Variants in NAV3 observed in about 807,000 individuals in gnomAD.
NAV3 encodes neuron navigator 3.
A neutral mutation model predicts 244.7 loss-of-function variants in NAV3; 87 were observed. That is an observed-to-expected ratio of 0.36 (90% CI 0.30 to 0.42). NAV3 has a LOEUF of 0.42. Among genes scored for constraint, NAV3 ranks in the 20% least tolerant of loss-of-function variants. The probability of loss-of-function intolerance (pLI) is 1.00; values close to 1 mark genes in which losing one functional copy is unlikely to be tolerated. For synonymous variants in NAV3, 1,126 were observed against 1,042.2 expected (o/e 1.08, Z -1.55); for missense variants, 2,663 against 2,893.3 (o/e 0.92, Z 1.83).
At chr12:77,905,738 C>G (rs957513621) in intron 1 of NAV3, among the ~76,000 whole-genome samples, 5 of 152,116 alleles carry the variant, frequency 3.3e-5, no homozygotes, top group African/African-American at 1.2e-4. Flanking sequence ...TAGTAATTAT[C>G]TTATTGTTTA....
chr12:77,617,625 G>A (rs956057620), intron 2 of NAV3, among the ~76,000 whole-genome samples: 9 of 152,288 alleles, frequency 5.9e-5, no homozygotes, highest in Admixed American at 5.2e-4. Context: ...GAGACAGGAG[G>A]GATCCTCCAA....
At chr12:77,685,882 G>C (rs1184842773) in intron 2 of NAV3, among the ~76,000 whole-genome samples, 3 of 152,174 alleles carry the variant, frequency 2.0e-5, no homozygotes, top group African/African-American at 7.2e-5. Context: ...TTGCCATTTA[G>C]AGTGTTTAGA....
At chr12:77,701,617 A>G (rs1458785067) in intron 2 of NAV3, among the ~76,000 whole-genome samples, 2 of 151,902 alleles carry the variant, frequency 1.3e-5, no homozygotes, top group Admixed American at 6.6e-5. Flanking sequence ...TAAGCATTTG[A>G]ATGTATAAAT....
At chr12:77,755,199 C>T (rs1869072428) in intron 2 of NAV3, among the ~76,000 whole-genome samples, 1 of 151,958 alleles carries the variant, frequency 6.6e-6, no homozygotes, top group African/African-American at 2.4e-5. Context: ...TTTTTTTAAT[C>T]TCAACAAAGA....
chr12:77,881,816 C>A (rs1487686774), intron 1 of NAV3, among the ~76,000 whole-genome samples: 3 of 152,016 alleles, frequency 2.0e-5, no homozygotes, highest in East Asian at 3.9e-4. Context: ...GCACACAATG[C>A]CACTTACAAT....
intron 25 of NAV3, 122 bp downstream of exon 25, chr12:78,175,549 C>T (rs1402744207): frequency 3.8e-5 from 48 of 1,262,804 alleles, no homozygotes; most frequent in Non-Finnish European, 4.7e-5. Flanking sequence ...CTACTGAGAC[C>T]TCAAATGCTG....
At chr12:77,890,484 A>C (rs924064321) in intron 1 of NAV3, among the ~76,000 whole-genome samples, 1 of 152,080 alleles carries the variant, frequency 6.6e-6, no homozygotes, top group Non-Finnish European at 1.5e-5. Flanking sequence ...CATTTCTTTA[A>C]TTGTAAATGA....
chr12:78,051,140 A>C lies in NAV3; in HGVS notation c.2509A>C (p.Asn837His), dbSNP rs2137264670. 1 of 1,602,984 alleles carries C rather than the reference A, an allele frequency of 6.2e-7. No homozygotes were observed. Among genetic ancestry groups the C allele is most frequent in the Non-Finnish European group, 8.5e-7 (1 of 1,171,168 alleles). The change falls in exon 11 of 40, where the codon AAC (asparagine) becomes CAC (histidine). Residue 837 changes from asparagine (N) to histidine (H), a missense_variant. Physicochemically the swap from Asn to His is moderately conservative, Grantham distance 68. Around this residue, in one of 6 missense-constraint regions of NAV3, gnomAD observed 1,521 missense variants for 1,497.0 expected, o/e 1.02. Transcript: ENST00000397909. ...GAAAAGTCTCAGGACTGATGACATC[A>C]ACAGTGGGTAAGTAACCCTGTTCTC... ...LGKSLRTDDI[N>H]SGYMTDGGLN...
chr12:78,136,323 G>A (rs971655610), intron 18 of NAV3, among the ~76,000 whole-genome samples: 1 of 152,012 alleles, frequency 6.6e-6, no homozygotes, highest in African/African-American at 2.4e-5. Context: ...CAATTTTTCT[G>A]TTTTGCTTTT....
At chr12:78,092,748 C>CCTTGG (rs1476504126) in intron 12 of NAV3, among the ~76,000 whole-genome samples, 1 of 152,048 alleles carries the variant, frequency 6.6e-6, no homozygotes, top group Non-Finnish European at 1.5e-5. Context: ...GATCTGCCAG[C>CCTTGG]CTTGGCCTCC....
intron 1 of NAV3, among the ~76,000 whole-genome samples, chr12:77,884,045 G>T (rs1882993244): frequency 6.6e-6 from 1 of 152,224 alleles, no homozygotes; most frequent in East Asian, 1.9e-4. Context: ...TTTGATAGGT[G>T]TTTCATTCAT....
intron 2 of NAV3, among the ~76,000 whole-genome samples, chr12:77,706,342 A>G (rs1200384435): frequency 1.3e-5 from 2 of 151,438 alleles, no homozygotes; most frequent in Non-Finnish European, 2.9e-5. Flanking sequence ...CTCAATAGTT[A>G]TTCAAAGACT....
chr12:78,182,533 G>C (rs1197990705), intron 30 of NAV3, among the ~76,000 whole-genome samples: 1 of 151,820 alleles, frequency 6.6e-6, no homozygotes, highest in African/African-American at 2.4e-5. Context: ...AATACTGAAG[G>C]TGGTTTAGAA....
chr12:78,056,781 ACT>A (rs1566072043), intron 11 of NAV3, among the ~76,000 whole-genome samples: 2 of 152,276 alleles, frequency 1.3e-5, no homozygotes, highest in African/African-American at 4.8e-5. Context: ...CATAAATTTA[ACT>A]CTCTTTTCAA....
intron 12 of NAV3, among the ~76,000 whole-genome samples, chr12:78,086,996 G>A (rs1953671696): frequency 6.6e-6 from 1 of 152,006 alleles, no homozygotes; most frequent in African/African-American, 2.4e-5. Context: ...TCTACAGCCT[G>A]TAGCCCATAT....
chr12:77,998,193 T>C (rs973827630), intron 6 of NAV3, 144 bp from the exon 7 acceptor site: 1 of 489,164 alleles, frequency 2.0e-6, no homozygotes, highest in Non-Finnish European at 3.4e-6. Context: ...TGTGCTTAGC[T>C]ATTTATTTGT....
chr12:77,934,955 C>T (rs1382641), intron 1 of NAV3, among the ~76,000 whole-genome samples: 53,853 of 152,056 alleles, frequency 0.35, 10,038 homozygotes, highest in African/African-American at 0.47. Flanking sequence ...AGACTTTTAA[C>T]TTCAATGAAG....
intron 23 of NAV3, among the ~76,000 whole-genome samples, chr12:78,166,415 G>C (rs1957783189): frequency 7.5e-6 from 1 of 133,546 alleles, no homozygotes; most frequent in Admixed American, 7.5e-5. Flanking sequence ...TGTAGAATTT[G>C]GCTATCTTTT....
intron 5 of NAV3, among the ~76,000 whole-genome samples, chr12:77,977,647 A>G (rs1019309036): frequency 6.6e-6 from 1 of 151,790 alleles, no homozygotes; most frequent in African/African-American, 2.4e-5. Flanking sequence ...TGATTCCAAA[A>G]GTTGAAAATC....
Sources: allele counts gnomAD v4.1 joint callset (sites outside exome capture counted in the v4.1 genomes callset), GRCh38; gene constraint gnomAD v4.1.1; regional missense constraint gnomAD v4.1.1; transcripts MANE v1.5; gene names NCBI Gene and HGNC (gene_info 2026-07-23, HGNC 2026-07-21).